Variants in SYNE2 observed in about 807,000 individuals in gnomAD.
SYNE2 encodes the protein nesprin-2.
In SYNE2, 431 loss-of-function variants were observed where a neutral mutation model predicts 856.3. The ratio of observed to expected loss-of-function variants is 0.50; its 90% CI spans 0.47 to 0.55. The LOEUF is 0.55. SYNE2 is among the 20% of genes least tolerant of loss of function. SYNE2 has a pLI of 0.00. For missense variants in SYNE2, 8,129 were observed against 8,023.2 expected (o/e 1.01, Z -0.50); for synonymous variants, 2,923 against 2,872.3 (o/e 1.02, Z -0.56).
At chr14:63,985,518 C>T (rs141150314) in intron 18 of SYNE2, among the ~76,000 whole-genome samples, 18 of 152,144 alleles carry the variant, frequency 1.2e-4, no homozygotes, top group African/African-American at 4.3e-4. Context: ...TGATATTTTA[C>T]AACTACCATT....
At chr14:64,095,113 CCTAAT>C (rs1297969673) in intron 61 of SYNE2, 21 of 170,382 alleles carry the variant, frequency 1.2e-4, no homozygotes, top group African/African-American at 4.8e-4. Flanking sequence ...TTTGCACCCA[CCTAAT>C]GGACAGATGT....
At chr14:64,077,584 G>A (rs1430423744) in intron 54 of SYNE2, among the ~76,000 whole-genome samples, 1 of 152,078 alleles carries the variant, frequency 6.6e-6, no homozygotes, top group Non-Finnish European at 1.5e-5. Context: ...TTCAGCATCT[G>A]TATACTGTCT....
intron 88 of SYNE2, 59 bp from the exon 89 acceptor site, chr14:64,163,343 G>A: frequency 2.5e-6 from 4 of 1,588,202 alleles, no homozygotes; most frequent in Non-Finnish European, 3.5e-6. Flanking sequence ...GCAGCAGCGG[G>A]TAGGGAATTG....
intron 8 of SYNE2, among the ~76,000 whole-genome samples, chr14:63,957,605 G>A (rs953670322): frequency 2.6e-5 from 4 of 151,870 alleles, no homozygotes; most frequent in Admixed American, 6.6e-5. Context: ...GCGGGGCACT[G>A]TAGCTCATGC....
At chr14:63,894,985 G>T (rs1006627509) in intron 1 of SYNE2, among the ~76,000 whole-genome samples, 28 of 152,164 alleles carry the variant, frequency 1.8e-4, no homozygotes, top group African/African-American at 6.8e-4. Context: ...TTAGCATGTT[G>T]TCTACAAATT....
At chr14:64,203,010 T>C in intron 100 of SYNE2, 47 bp downstream of exon 100, 2 of 1,608,660 alleles carry the variant, frequency 1.2e-6, no homozygotes, top group Non-Finnish European at 1.7e-6. Context: ...GTGTCCGCGA[T>C]ATGCACTGAC....
chr14:64,183,710 T>C (rs1354824841), intron 96 of SYNE2, among the ~76,000 whole-genome samples: 1 of 152,124 alleles, frequency 6.6e-6, no homozygotes, highest in Non-Finnish European at 1.5e-5. Flanking sequence ...GGTTAGGAGC[T>C]GGAGACCAGC....
intron 26 of SYNE2, among the ~76,000 whole-genome samples, 158 bp downstream of exon 26, chr14:63,998,486 AG>A (rs1464126516): frequency 6.6e-6 from 1 of 152,182 alleles, no homozygotes; most frequent in African/African-American, 2.4e-5. Context: ...CGCAGTTGAC[AG>A]TAATTTTAAA....
chr14:63,828,853 C>T (rs1204193855), intron 1 of SYNE2, among the ~76,000 whole-genome samples: 2 of 152,094 alleles, frequency 1.3e-5, no homozygotes, highest in Non-Finnish European at 2.9e-5. Context: ...TTGGTATCAT[C>T]GTGTGTTTCT....
chr14:63,949,171 C>T (rs949856099), intron 6 of SYNE2, among the ~76,000 whole-genome samples: 1 of 151,954 alleles, frequency 6.6e-6, no homozygotes, highest in African/African-American at 2.4e-5. Context: ...GATACCATAT[C>T]GCCCTCCAAA....
rs2098693454 is a variant in SYNE2, at chr14:64,221,422, C to G, written c.20062-154C>G. 2.9e-6 allele frequency: 4 copies of G among 1,363,234 alleles called. No homozygotes were observed. In the East Asian group the frequency reaches 9.2e-5, roughly 31 times the overall value. The allele number at this position is 1,363,234 out of a possible 1,614,324, so 84.4% of individuals were successfully genotyped here. A position where few individuals can be genotyped will look rare whatever the true frequency, so the allele number is the denominator to read the frequency against. ...TCTTTCCTCTTCCTCATTTTGGGGC[C>G]CTGGCATTTAGTTTAAAGCTGGTCC... On this transcript the variant is annotated intron_variant, in intron 111 of 115. Transcript: ENST00000555002.
intron 27 of SYNE2, among the ~76,000 whole-genome samples, chr14:63,999,465 TCA>T (rs2096737625): frequency 1.3e-5 from 2 of 152,206 alleles, no homozygotes. Flanking sequence ...TACCAAATTA[TCA>T]CATTGTCTAA....
chr14:63,995,705 T>C (rs2096707736), intron 23 of SYNE2, among the ~76,000 whole-genome samples: 1 of 150,718 alleles, frequency 6.6e-6, no homozygotes, highest in Non-Finnish European at 1.5e-5. Flanking sequence ...CAGTCTCTCT[T>C]GCTTTATATA....
intron 1 of SYNE2, among the ~76,000 whole-genome samples, chr14:63,802,473 T>G (rs923082224): frequency 3.3e-5 from 5 of 152,138 alleles, no homozygotes; most frequent in Non-Finnish European, 5.9e-5. Flanking sequence ...GATGAGACAT[T>G]GGACTTGTAC....
At chr14:64,154,725 G>A (rs1188575418) in intron 85 of SYNE2, among the ~76,000 whole-genome samples, 1 of 150,592 alleles carries the variant, frequency 6.6e-6, no homozygotes. Context: ...CCTGGGAGGT[G>A]GAAGGAGCAG....
At position 64,128,556 on chromosome 14, in the gene SYNE2, A is replaced by G; in HGVS notation, c.14019+3A>G. ...AGAGTGTTGCTGAACAGCTTCAGGT[A>G]ATCAAGTCAAAATAATTCAGACTGA... On this transcript the variant is annotated splice_donor_region_variant and intron_variant, in intron 74 of 115. Transcript: ENST00000555002. 1 of 1,574,004 alleles carries G rather than the reference A, an allele frequency of 6.4e-7. No homozygotes were observed. Among genetic ancestry groups the G allele is most frequent in the Non-Finnish European group, 8.7e-7 (1 of 1,143,510 alleles).
At chr14:64,081,603 T>A in intron 57 of SYNE2, 23 bp downstream of exon 57, 1 of 1,613,324 alleles carries the variant, frequency 6.2e-7, no homozygotes, top group Non-Finnish European at 8.5e-7. Flanking sequence ...CCAGGTTTTC[T>A]GCCACTCATA....
At chr14:63,948,164 C>CACAG (rs1408284373) in intron 6 of SYNE2, among the ~76,000 whole-genome samples, 2 of 109,188 alleles carry the variant, frequency 1.8e-5, no homozygotes, top group African/African-American at 6.3e-5. Flanking sequence ...CAGACACACA[C>CACAG]ATACACACAC....
chr14:63,960,731 A>G, intron 8 of SYNE2: 1 of 763,310 alleles, frequency 1.3e-6, no homozygotes, highest in East Asian at 2.4e-5. Flanking sequence ...TCCTTCACTT[A>G]TTAGATGCCT....
Sources: allele counts gnomAD v4.1 joint callset (sites outside exome capture counted in the v4.1 genomes callset), GRCh38; gene constraint gnomAD v4.1.1; transcripts MANE v1.5; gene names NCBI Gene and HGNC (gene_info 2026-07-23, HGNC 2026-07-21).